Variants in FBXL17 observed in about 807,000 individuals in gnomAD.
The protein encoded by FBXL17 is F-box/LRR-repeat protein 17.
A neutral mutation model predicts 66.2 loss-of-function variants in FBXL17; 22 were observed. That is an observed-to-expected ratio of 0.33 (90% CI 0.24 to 0.47). The LOEUF (loss-of-function observed/expected upper bound fraction) is 0.47. FBXL17 is among the 20% of genes least tolerant of loss of function. The pLI, the probability that FBXL17 is intolerant of heterozygous loss-of-function variation, is 1.00. For synonymous variants in FBXL17, 474 were observed against 400.5 expected (o/e 1.18, Z -2.19); for missense variants, 878 against 948.2 (o/e 0.93, Z 0.97).
chr5:108,156,605 G>A (rs985685640), intron 6 of FBXL17, among the ~76,000 whole-genome samples: 2 of 151,582 alleles, frequency 1.3e-5, no homozygotes, highest in Non-Finnish European at 3.0e-5. Flanking sequence ...AATTGTTTTT[G>A]CTTTTTCCTT....
chr5:108,261,167 AAAT>A (rs1489643468), intron 4 of FBXL17, among the ~76,000 whole-genome samples: 1 of 152,096 alleles, frequency 6.6e-6, no homozygotes, highest in African/African-American at 2.4e-5. Context: ...AGACAATAGA[AAAT>A]AATAATATAA....
At chr5:107,955,489 A>G (rs1561337751) in intron 7 of FBXL17, among the ~76,000 whole-genome samples, 1 of 152,186 alleles carries the variant, frequency 6.6e-6, no homozygotes, top group Non-Finnish European at 1.5e-5. Flanking sequence ...GCTCAGAGCT[A>G]TTGCAGTGCG....
At chr5:108,081,096 A>ACT (rs1580415192) in intron 6 of FBXL17, among the ~76,000 whole-genome samples, 1 of 151,862 alleles carries the variant, frequency 6.6e-6, no homozygotes, top group Non-Finnish European at 1.5e-5. Flanking sequence ...TGTCAAACTG[A>ACT]CTCTACACTA....
intron 7 of FBXL17, among the ~76,000 whole-genome samples, chr5:107,896,580 A>T (rs1749391017): frequency 6.6e-6 from 1 of 152,152 alleles, no homozygotes; most frequent in Non-Finnish European, 1.5e-5. Flanking sequence ...CTATTTTTTT[A>T]TCATGTTTAA....
chr5:107,866,232 G>C lies in FBXL17; in HGVS notation c.1966-4372C>G, dbSNP rs374830753. On this transcript the variant is annotated intron_variant, in intron 8 of 8. Coordinates refer to ENST00000542267, the MANE Select transcript of FBXL17 (RefSeq NM_001163315.3). ...TCTTCTTAAAGAAATATGCCGCACT[G>C]TCATTGGAAGAAATTACTGTGATTA... Among the ~76,000 whole-genome samples, 7 of 152,018 alleles carry C rather than the reference G, an allele frequency of 4.6e-5. No homozygotes were observed. In the East Asian group the frequency reaches 5.8e-4, roughly 13 times the overall value.
intron 8 of FBXL17, among the ~76,000 whole-genome samples, chr5:107,876,556 G>A (rs923613163): frequency 2.6e-5 from 4 of 152,208 alleles, no homozygotes; most frequent in African/African-American, 9.6e-5. Flanking sequence ...TTATCACCGA[G>A]GCCTCGCAAA....
intron 6 of FBXL17, among the ~76,000 whole-genome samples, chr5:108,173,395 T>C (rs1241507871): frequency 6.6e-6 from 1 of 151,908 alleles, no homozygotes; most frequent in Non-Finnish European, 1.5e-5. Flanking sequence ...ACTTAAAGTA[T>C]AATAATAATA....
chr5:108,290,930 AT>A (rs934163174), intron 4 of FBXL17, among the ~76,000 whole-genome samples: 4 of 152,204 alleles, frequency 2.6e-5, no homozygotes, highest in Non-Finnish European at 4.4e-5. Flanking sequence ...CAATTTAAAA[AT>A]TAACAAAAAT....
Position 107,859,384 on chromosome 5 carries a change from C to A in FBXL17, c.*2336G>T, listed in dbSNP as rs77242927. 2.2e-5 allele frequency: 2 copies of A among 91,730 alleles called. No individual in the cohort carries two copies. Among genetic ancestry groups the A allele is most frequent in the African/African-American group, 8.1e-5 (2 of 24,570 alleles). The allele number at this position is 91,730 out of a possible 1,614,324, so 5.7% of individuals were successfully genotyped here. A position where few individuals can be genotyped will look rare whatever the true frequency, so the allele number is the denominator to read the frequency against. ...GGACCACTCAAGGTGATGCTTTTTT[C>A]TGGCTGTTTTTTTTTTTTTTTTTTT... On this transcript the variant is annotated 3_prime_UTR_variant, in exon 9 of 9. Transcript: ENST00000542267.
At chr5:107,935,884 C>T (rs1469980442) in intron 7 of FBXL17, among the ~76,000 whole-genome samples, 5 of 152,114 alleles carry the variant, frequency 3.3e-5, no homozygotes, top group Non-Finnish European at 7.4e-5. Context: ...AGACAGCAAA[C>T]TGCATGCCAC....
At chr5:108,200,074 C>A (rs372418159) in intron 5 of FBXL17, among the ~76,000 whole-genome samples, 4 of 152,066 alleles carry the variant, frequency 2.6e-5, no homozygotes. Context: ...TTACTGGGAC[C>A]CACAAGCCAC....
intron 6 of FBXL17, among the ~76,000 whole-genome samples, chr5:108,114,545 G>A (rs921435160): frequency 2.0e-5 from 3 of 152,130 alleles, no homozygotes; most frequent in African/African-American, 7.2e-5. Context: ...TGTTTGTGAT[G>A]GTGTAGGATA....
At chr5:107,874,944 C>T (rs903500152) in intron 8 of FBXL17, among the ~76,000 whole-genome samples, 1 of 152,166 alleles carries the variant, frequency 6.6e-6, no homozygotes, top group African/African-American at 2.4e-5. Flanking sequence ...TTTAGAGCCC[C>T]AGCTGCACTC....
chr5:108,196,235 CA>C (rs57735019), intron 5 of FBXL17, among the ~76,000 whole-genome samples: 15 of 144,926 alleles, frequency 1.0e-4, no homozygotes, highest in Admixed American at 2.8e-4. Flanking sequence ...ACAAAACAAA[CA>C]AAAAAAAAAC....
At chr5:108,053,096 TAGA>T (rs1480955226) in intron 6 of FBXL17, among the ~76,000 whole-genome samples, 2 of 152,092 alleles carry the variant, frequency 1.3e-5, no homozygotes, top group Non-Finnish European at 2.9e-5. Context: ...ATAAAAACTC[TAGA>T]AGAAAACCTA....
At chr5:108,326,344 G>T (rs573466171) in intron 4 of FBXL17, among the ~76,000 whole-genome samples, 1 of 152,138 alleles carries the variant, frequency 6.6e-6, no homozygotes, top group East Asian at 1.9e-4. Flanking sequence ...TGTAATCACA[G>T]CACTTTGTGA....
chr5:107,976,335 A>G (rs969997062), intron 7 of FBXL17, among the ~76,000 whole-genome samples: 2 of 152,238 alleles, frequency 1.3e-5, no homozygotes, highest in African/African-American at 4.8e-5. Context: ...GAAAGAAATT[A>G]TTTGAATTGT....
At chr5:108,063,369 T>C (rs546071599) in intron 6 of FBXL17, among the ~76,000 whole-genome samples, 29 of 152,210 alleles carry the variant, frequency 1.9e-4, no homozygotes, top group Non-Finnish European at 3.5e-4. Context: ...TTGTCAACTA[T>C]CCAAGGATTT....
chr5:108,299,583 T>C (rs1443023788), intron 4 of FBXL17: 1 of 973,684 alleles, frequency 1.0e-6, no homozygotes, highest in Non-Finnish European at 1.2e-6. Context: ...CTCCCTGGCG[T>C]TTTACTTTCC....
Sources: gnomAD v4.1 joint callset for allele counts (sites outside exome capture counted in the v4.1 genomes callset) on GRCh38, gnomAD v4.1.1 for gene constraint, MANE v1.5 for transcripts, NCBI Gene and HGNC (gene_info 2026-07-23, HGNC 2026-07-21) for gene names.